Variants in CAPRIN1 observed in about 807,000 individuals in gnomAD.
The protein encoded by CAPRIN1 is cell cycle associated protein 1.
A neutral mutation model predicts 100.9 loss-of-function variants in CAPRIN1; 29 were observed. That is an observed-to-expected ratio of 0.29 (90% confidence interval 0.21 to 0.39). CAPRIN1 has a LOEUF of 0.39. CAPRIN1 is among the 10% of genes least tolerant of loss of function. The pLI, the probability that CAPRIN1 is intolerant of heterozygous loss-of-function variation, is 1.00. For synonymous variants in CAPRIN1, 338 were observed against 307.5 expected, an observed-to-expected ratio of 1.10 and a Z score of -1.04; for missense variants, 795 against 876.7, an observed-to-expected ratio of 0.91 and a Z score of 1.18.
Position 34,101,360 on chromosome 11 carries a change from A to C in CAPRIN1, c.*1993A>C, listed in dbSNP as rs961640285. On this transcript the variant is annotated 3_prime_UTR_variant, in exon 19 of 19. Coordinates refer to ENST00000341394, the MANE Select transcript of CAPRIN1 (RefSeq NM_005898.5). Reference sequence around the variant, plus strand: ...TAATCCCTAGATGATGTATGCTTGCAGTCCTATATAAAACTAAATTTGCTA... The same window carrying C: ...TAATCCCTAGATGATGTATGCTTGCCGTCCTATATAAAACTAAATTTGCTA... 2.6e-5 allele frequency among the ~76,000 whole-genome samples: 4 copies of C among 152,202 alleles called. No individual in the cohort carries two copies. Among genetic ancestry groups the C allele is most frequent in the African/African-American group, 9.7e-5 (4 of 41,444 alleles).
intron 17 of CAPRIN1, 87 bp from the exon 18 acceptor site, chr11:34,097,611 T>C: frequency 6.9e-7 from 1 of 1,454,306 alleles, no homozygotes; most frequent in Non-Finnish European, 9.6e-7. Flanking sequence ...TAAGGAAGAA[T>C]TCTGTATTGA....
At chr11:34,098,429 T>A (rs1322150581) in intron 18 of CAPRIN1, 2 of 985,332 alleles carry the variant, frequency 2.0e-6, no homozygotes, top group Non-Finnish European at 1.2e-6. Flanking sequence ...GGCAGGAAGT[T>A]AACCTATTTA....
intron 4 of CAPRIN1, among the ~76,000 whole-genome samples, chr11:34,076,032 G>T (rs1353880852): frequency 1.3e-5 from 2 of 152,064 alleles, no homozygotes; most frequent in Non-Finnish European, 2.9e-5. Context: ...TACCTTCTAG[G>T]GAAAGAGCTG....
chr11:34,085,902 A>G (rs1851131817), intron 9 of CAPRIN1, among the ~76,000 whole-genome samples, 162 bp from the exon 10 acceptor site: 1 of 152,230 alleles, frequency 6.6e-6, no homozygotes, highest in African/African-American at 2.4e-5. Context: ...ATTTTTCAGA[A>G]TGTTAAATTT....
intron 2 of CAPRIN1, among the ~76,000 whole-genome samples, chr11:34,070,865 G>A (rs1850793030): frequency 6.6e-6 from 1 of 151,678 alleles, no homozygotes; most frequent in Admixed American, 6.6e-5. Flanking sequence ...ACCATGCCCA[G>A]CTGATTTTGT....
At chr11:34,069,158 T>G (rs1243412419) in intron 2 of CAPRIN1, among the ~76,000 whole-genome samples, 2 of 151,532 alleles carry the variant, frequency 1.3e-5, no homozygotes, top group Non-Finnish European at 2.9e-5. Context: ...TTAGTTTTTT[T>G]TTTTTTTTTT....
At chr11:34,052,371 C>G in intron 1 of CAPRIN1, 50 bp from the exon 2 acceptor site, 1 of 1,469,820 alleles carries the variant, frequency 6.8e-7, no homozygotes. Context: ...CCTGACTGGC[C>G]GCTCTTGTCC....
At chr11:34,092,699 T>C (rs1161042521) in intron 15 of CAPRIN1, among the ~76,000 whole-genome samples, 3 of 152,232 alleles carry the variant, frequency 2.0e-5, no homozygotes, top group African/African-American at 4.8e-5. Flanking sequence ...TGAAGGCTTT[T>C]AGCATGATAT....
chr11:34,098,556 A>G (rs900253458), intron 18 of CAPRIN1: 2 of 985,244 alleles, frequency 2.0e-6, no homozygotes, highest in African/African-American at 3.5e-5. Flanking sequence ...AATGTGTGTT[A>G]AGGAGGAATT....
intron 1 of CAPRIN1, 76 bp from the exon 2 acceptor site, chr11:34,052,345 C>G (rs984972031): frequency 1.7e-6 from 2 of 1,205,792 alleles, no homozygotes; most frequent in African/African-American, 3.1e-5. Context: ...TGTCCCGCGT[C>G]TCGCCCCGTC....
intron 15 of CAPRIN1, among the ~76,000 whole-genome samples, chr11:34,094,277 TGCCTCAGGCCTCAGGTGATCCACCC>T (rs1487979079): frequency 6.6e-6 from 1 of 152,072 alleles, no homozygotes; most frequent in East Asian, 1.9e-4. Context: ...CTCGGCCTCC[TGCCTCAGGCCTCAGGTGATCCACCC>T]GCCTCGGCCT....
At chr11:34,086,550 A>G (rs1241732304) in intron 11 of CAPRIN1, 137 bp downstream of exon 11, 6 of 571,618 alleles carry the variant, frequency 1.0e-5, no homozygotes, top group Non-Finnish European at 1.8e-5. Context: ...ATTTGATAGA[A>G]AGAATGTTAT....
chr11:34,054,090 T>A (rs1850395524), intron 2 of CAPRIN1, among the ~76,000 whole-genome samples: 1 of 152,174 alleles, frequency 6.6e-6, no homozygotes, highest in Non-Finnish European at 1.5e-5. Context: ...CTGGTGATGT[T>A]TAGGTCTTAT....
intron 7 of CAPRIN1, among the ~76,000 whole-genome samples, chr11:34,082,609 A>T (rs1002754570): frequency 6.6e-6 from 1 of 152,166 alleles, no homozygotes; most frequent in East Asian, 1.9e-4. Flanking sequence ...CATCCCCCCA[A>T]CCAGAGTGGT....
intron 2 of CAPRIN1, among the ~76,000 whole-genome samples, chr11:34,057,122 A>T (rs1850467343): frequency 6.6e-6 from 1 of 152,194 alleles, no homozygotes; most frequent in Admixed American, 6.5e-5. Flanking sequence ...TATAAGTAAA[A>T]TCTTTCCTTG....
intron 6 of CAPRIN1, among the ~76,000 whole-genome samples, chr11:34,077,576 T>C (rs1850932156): frequency 6.6e-6 from 1 of 152,222 alleles, no homozygotes; most frequent in African/African-American, 2.4e-5. Flanking sequence ...TAGCCTTCTG[T>C]GAAATCAGGG....
At chr11:34,098,851 TA>T in intron 18 of CAPRIN1, 1 of 987,356 alleles carries the variant, frequency 1.0e-6, no homozygotes, top group Non-Finnish European at 1.2e-6. Flanking sequence ...ACAGTTTAGG[TA>T]ATAAGGTCTG....
At chr11:34,072,068 G>A in intron 4 of CAPRIN1, 81 bp downstream of exon 4, 10 of 864,976 alleles carry the variant, frequency 1.2e-5, no homozygotes, top group Non-Finnish European at 1.8e-5. Flanking sequence ...CTATTGATAA[G>A]CTCTCTGCAA....
intron 4 of CAPRIN1, 88 bp from the exon 5 acceptor site, chr11:34,076,148 A>C (rs1372831787): frequency 1.2e-6 from 1 of 861,938 alleles, no homozygotes; most frequent in Non-Finnish European, 1.8e-6. Context: ...ATTGAGTAAA[A>C]CATGTTTTAT....
Sources: allele counts gnomAD v4.1 joint callset (sites outside exome capture counted in the v4.1 genomes callset), GRCh38; gene constraint gnomAD v4.1.1; transcripts MANE v1.5; gene names NCBI Gene and HGNC (gene_info 2026-07-23, HGNC 2026-07-21).